The following CDH22 variants were observed in gnomAD, a reference collection of about 807,000 sequenced individuals.
CDH22 encodes the protein cadherin-22.
CDH22 carries 30 observed loss-of-function variants against 58.4 expected under a neutral mutation model. That is an observed-to-expected ratio of 0.51 (90% CI 0.38 to 0.70). The LOEUF (loss-of-function observed/expected upper bound fraction) is 0.70. Among genes scored for constraint, CDH22 ranks in the 30% least tolerant of loss-of-function variants. The pLI is 0.00. For missense variants in CDH22, 1,014 were observed against 1,233.9 expected, an observed-to-expected ratio of 0.82 and a Z score of 2.67; for synonymous variants, 513 against 558.2, an observed-to-expected ratio of 0.92 and a Z score of 1.14.
intron 1 of CDH22, among the ~76,000 whole-genome samples, chr20:46,279,354 A>G (rs2086537400): frequency 6.6e-6 from 1 of 152,176 alleles, no homozygotes; most frequent in African/African-American, 2.4e-5. Context: ...GGCATGGCTG[A>G]TGATAAGGGG....
intron 1 of CDH22, among the ~76,000 whole-genome samples, chr20:46,280,598 T>C (rs1043064420): frequency 8.5e-5 from 13 of 152,320 alleles, no homozygotes; most frequent in South Asian, 4.1e-4. Flanking sequence ...GTCTGGGGGC[T>C]GCCTTCTCTC....
Position 46,216,921 on chromosome 20 carries a change from G to A in CDH22, c.743C>T (p.Thr248Ile). The change falls in exon 5 of 12, where the codon ACA (threonine) becomes ATA (isoleucine). Residue 248 changes from threonine to isoleucine, a missense_variant. Transcript: ENST00000537909. This position sits in a 1 kb window ranked among gnomAD's most constrained non-coding sequence, Gnocchi z 5.3. ...GCCACCCAGCTGACCCGCCATGTCTGTGGCCTGGATCACCACCTCGTAGCG... is the reference window on the plus strand; with the variant it reads ...GCCACCCAGCTGACCCGCCATGTCTATGGCCTGGATCACCACCTCGTAGCG... ...QERYEVVIQATDMAGQLGGLS... is the reference protein window; with the variant it reads ...QERYEVVIQAIDMAGQLGGLS... 6.2e-7 allele frequency: 1 copy of A among 1,610,952 alleles called. No homozygotes were observed. The highest frequency in any genetic ancestry group is 8.5e-7 in the Non-Finnish European group (1 of 1,177,460).
intron 1 of CDH22, among the ~76,000 whole-genome samples, chr20:46,283,428 G>A (rs1452703871): frequency 6.6e-6 from 1 of 152,118 alleles, no homozygotes; most frequent in Non-Finnish European, 1.5e-5. Flanking sequence ...AACTGCCCCC[G>A]GGGCTATGGT....
chr20:46,258,203 C>T (rs963866522), intron 1 of CDH22, among the ~76,000 whole-genome samples: 2 of 152,034 alleles, frequency 1.3e-5, no homozygotes, highest in African/African-American at 4.8e-5. Context: ...GGAACAGGTT[C>T]AAGAGAACTG....
At chr20:46,227,150 C>T (rs1051525803) in intron 4 of CDH22, among the ~76,000 whole-genome samples, 12 of 152,212 alleles carry the variant, frequency 7.9e-5, no homozygotes, top group African/African-American at 2.9e-4. Context: ...CTTGTGACCC[C>T]GGAAGAGCTC....
At position 46,189,429 on chromosome 20, in the gene CDH22, G is replaced by A. The variant is rs575063813; in HGVS notation, c.1424-2482C>T. ...CCAGCAGAGGCAGAGGGAGAGTAGAGGGGGCGGCCAGGGCCTGAGTGCCCT... is the reference window on the plus strand; with the variant it reads ...CCAGCAGAGGCAGAGGGAGAGTAGAAGGGGCGGCCAGGGCCTGAGTGCCCT... On this transcript the variant is annotated intron_variant, in intron 8 of 11. Coordinates refer to ENST00000537909, the MANE Select transcript of CDH22 (RefSeq NM_021248.3). 8.5e-5 allele frequency among the ~76,000 whole-genome samples: 13 copies of A among 152,328 alleles called. No homozygotes were observed. In the East Asian group the frequency reaches 2.1e-3, roughly 25 times the overall value.
intron 1 of CDH22, among the ~76,000 whole-genome samples, chr20:46,272,885 A>G (rs1017425938): frequency 2.6e-5 from 4 of 152,142 alleles, no homozygotes; most frequent in Non-Finnish European, 5.9e-5. Context: ...CTTGAATTTT[A>G]TTTTAAGGAA....
At chr20:46,245,140 A>C (rs2086319121) in intron 2 of CDH22, among the ~76,000 whole-genome samples, 1 of 152,154 alleles carries the variant, frequency 6.6e-6, no homozygotes, top group African/African-American at 2.4e-5. Flanking sequence ...TCCCAATCTC[A>C]GGAGGGGTCG....
intron 1 of CDH22, among the ~76,000 whole-genome samples, chr20:46,270,023 T>C (rs925288000): frequency 6.6e-6 from 1 of 152,100 alleles, no homozygotes; most frequent in Non-Finnish European, 1.5e-5. Context: ...GCAGGAGACA[T>C]TTGAACTGAT....
In CDH22 at chr20:46,251,436, G is replaced by A. The variant is rs368153869; in HGVS notation, c.-142C>T. ...GGATGTCGCCCCCGACGGGGCACCC[G>A]GACGGGCCCGCGGCCCTGAACGCCG... On this transcript the variant is annotated 5_prime_UTR_variant, in exon 2 of 12. Coordinates refer to ENST00000537909, the MANE Select transcript of CDH22 (RefSeq NM_021248.3). The surrounding 1 kb of genome is among the most constrained non-coding windows in gnomAD (Gnocchi z 6.7). 3.0e-6 allele frequency: 3 copies of A among 1,001,950 alleles called. No individual in the cohort carries two copies. Among genetic ancestry groups the A allele is most frequent in the East Asian group, 3.4e-5 (1 of 29,152 alleles). The allele number at this position is 1,001,950 out of a possible 1,614,324, so 62.1% of individuals were successfully genotyped here.
rs555356649 is a variant in CDH22, at chr20:46,227,659, C to G, written c.551-32G>C. 2.1e-5 allele frequency: 33 copies of G among 1,592,986 alleles called. No homozygotes were observed. The South Asian group carries it at 3.0e-4, about 14-fold the overall frequency. On this transcript the variant is annotated intron_variant, in intron 3 of 11. Transcript: ENST00000537909. ...CCGGGGGACCAAGCGAGACAGGGGT[C>G]ATCTGGGGCTGCGGAGCTCGTTCCC...
rs575189464 is a variant in CDH22, at chr20:46,175,022, C to G, written c.1971G>C (p.Ser657=). 3 of 1,609,950 alleles carry G rather than the reference C, an allele frequency of 1.9e-6. No homozygotes were observed. The South Asian group carries it at 3.3e-5, about 18-fold the overall frequency. ...LRRHHKSHLS[S]DEDEDMRDNV... is the part of the protein sequence containing the mutation. The stretch of plus-strand genomic sequence containing the variant: ...TGTCCCGCATGTCTTCATCCTCGTC[C>G]GAGCTCAGGTGGCTCTTGTGGTGGC... The change falls in exon 12 of 12, where the codon TCG becomes TCC. Residue 657 remains serine (S), a synonymous_variant. Transcript: ENST00000537909.
chr20:46,213,094 G>A lies in CDH22; in HGVS notation c.933C>T (p.Asp311=), dbSNP rs756968716. The A allele has an allele frequency of 1.2e-5, 19 of 1,614,064 alleles. No homozygotes were observed. Among genetic ancestry groups the A allele is most frequent in the Non-Finnish European group, 1.6e-5 (19 of 1,180,012 alleles). ...AEDSDVGENT[D]MTYHLKDESS... is the part of the protein sequence containing the mutation. ...TCTCGTCCTTAAGGTGGTAAGTCATGTCTGTGTTCTCTCCCACGTCTGAGT... is the reference window on the plus strand; with the variant it reads ...TCTCGTCCTTAAGGTGGTAAGTCATATCTGTGTTCTCTCCCACGTCTGAGT... The change falls in exon 6 of 12, where the codon GAC becomes GAT. Residue 311 remains aspartate (D), a synonymous_variant. Coordinates refer to ENST00000537909, the MANE Select transcript of CDH22 (RefSeq NM_021248.3).
rs2086373905 is a variant in CDH22, at chr20:46,251,391, T to TGGCCTCA, written c.-104_-98dup. ...AACGATGCGGCGCCGTGTCACATGG[T>TGGCCTCA]GGCCTCAGCGCGGCCGCCGGGATGT... On this transcript the variant is annotated 5_prime_UTR_variant, in exon 2 of 12. Coordinates refer to ENST00000537909, the MANE Select transcript of CDH22 (RefSeq NM_021248.3). The surrounding 1 kb of genome is among the most constrained non-coding windows in gnomAD (Gnocchi z 6.7). The TGGCCTCA allele has an allele frequency of 7.6e-7, 1 of 1,314,384 alleles. No homozygotes were observed. Among genetic ancestry groups the TGGCCTCA allele is most frequent in the Non-Finnish European group, 9.8e-7 (1 of 1,023,264 alleles). 81.4% of individuals were successfully genotyped at this position (1,314,384 alleles called of 1,614,324 possible).
chr20:46,273,407 A>G (rs2425836), intron 1 of CDH22, among the ~76,000 whole-genome samples: 46,380 of 152,110 alleles, frequency 0.3, 8,488 homozygotes, highest in Middle Eastern at 0.51. Context: ...TTAGCTGAAG[A>G]GTTGGCCCCA....
At chr20:46,275,391 G>A (rs1026894115) in intron 1 of CDH22, among the ~76,000 whole-genome samples, 2 of 152,048 alleles carry the variant, frequency 1.3e-5, no homozygotes, top group African/African-American at 2.4e-5. Flanking sequence ...AAAGCAACCC[G>A]ACCACTCCAC....
intron 4 of CDH22, among the ~76,000 whole-genome samples, chr20:46,218,513 T>C (rs2086101839): frequency 6.6e-6 from 1 of 152,214 alleles, no homozygotes; most frequent in Admixed American, 6.5e-5. Context: ...ACATGCAACG[T>C]AGTTCACACA....
intron 1 of CDH22, among the ~76,000 whole-genome samples, chr20:46,253,185 A>C (rs2086389228): frequency 6.6e-6 from 1 of 152,252 alleles, no homozygotes; most frequent in Admixed American, 6.5e-5. Flanking sequence ...CACAGTGGGC[A>C]ATGCCCTTCC....
chr20:46,256,775 A>G (rs1326347571), intron 1 of CDH22, among the ~76,000 whole-genome samples: 1 of 151,606 alleles, frequency 6.6e-6, no homozygotes, highest in Non-Finnish European at 1.5e-5. Context: ...CTGAGGCAGG[A>G]AGATTCCTTG....
Sources: gnomAD v4.1 joint callset for allele counts (sites outside exome capture counted in the v4.1 genomes callset) on GRCh38, gnomAD v4.1.1 for gene constraint, Gnocchi (gnomAD v3.1) non-coding constraint, MANE v1.5 for transcripts, NCBI Gene and HGNC (gene_info 2026-07-23, HGNC 2026-07-21) for gene names.